Variants in SLC40A1 observed in about 807,000 individuals in gnomAD.
SLC40A1 encodes the protein solute carrier family 40 member 1, also known as ferroportin.
A neutral mutation model predicts 53.5 loss-of-function variants in SLC40A1; 16 were observed. The observed-to-expected ratio is 0.30, with a 90% confidence interval of 0.20 to 0.45. The LOEUF is 0.45. SLC40A1 is among the 20% of genes least tolerant of loss of function. The pLI is 1.00. For synonymous variants in SLC40A1, 247 were observed against 253.2 expected (o/e 0.98, Z 0.23); for missense variants, 545 against 695.4 (o/e 0.78, Z 2.43).
chr2:189,580,680 G>A lies in SLC40A1; in HGVS notation c.-220C>T. The A allele has an allele frequency of 6.7e-7, 1 of 1,484,950 alleles. No homozygotes were observed. The highest frequency in any genetic ancestry group is 1.3e-5 in the South Asian group (1 of 78,858). 92.0% of individuals were successfully genotyped at this position (1,484,950 alleles called of 1,614,324 possible). On this transcript the variant is annotated 5_prime_UTR_variant, in exon 1 of 8. Transcript: ENST00000261024. Reference sequence around the variant, plus strand: ...CTTTCCAAACTTAGCTAACACTGTAGCTGAAGTTGGAAAGGCAAAGCCTTA... The same window carrying A: ...CTTTCCAAACTTAGCTAACACTGTAACTGAAGTTGGAAAGGCAAAGCCTTA...
chr2:189,568,035 C>T (rs1175991293), intron 5 of SLC40A1, among the ~76,000 whole-genome samples: 1 of 152,182 alleles, frequency 6.6e-6, no homozygotes, highest in Non-Finnish European at 1.5e-5. Flanking sequence ...TACCCTTTCA[C>T]TACTTCAGTT....
chr2:189,569,332 A>T (rs1272169633), intron 5 of SLC40A1, among the ~76,000 whole-genome samples: 1 of 152,250 alleles, frequency 6.6e-6, no homozygotes, highest in Non-Finnish European at 1.5e-5. Context: ...AAACAGGTGA[A>T]GCCTTCCTGG....
intron 5 of SLC40A1, among the ~76,000 whole-genome samples, chr2:189,569,994 ATATG>A (rs66749770): frequency 0.18 from 25,709 of 139,128 alleles, 2,785 homozygotes; most frequent in Non-Finnish European, 0.24. Flanking sequence ...ACACACCTAT[ATATG>A]TATGTATATA....
intron 7 of SLC40A1, 121 bp downstream of exon 7, chr2:189,563,463 G>A: frequency 1.3e-6 from 1 of 776,270 alleles, no homozygotes; most frequent in Non-Finnish European, 2.0e-6. Context: ...AATTTCGTAA[G>A]AGTGGATTTT....
At chr2:189,579,605 C>G (rs1191294171) in intron 2 of SLC40A1, among the ~76,000 whole-genome samples, 1 of 152,124 alleles carries the variant, frequency 6.6e-6, no homozygotes, top group Non-Finnish European at 1.5e-5. Context: ...ACATAAACTA[C>G]GATGATCTGA....
Position 189,578,280 on chromosome 2 carries a change from A to C in SLC40A1, c.111+1533T>G, listed in dbSNP as rs571794109. On this transcript the variant is annotated intron_variant, in intron 2 of 7. Coordinates refer to ENST00000261024, the MANE Select transcript of SLC40A1 (RefSeq NM_014585.6). ...CAGCGGAAAGGAGTAAAAATCCACTAAACCTTATATGATTGTAGTTGCTGC... is the reference window on the plus strand; with the variant it reads ...CAGCGGAAAGGAGTAAAAATCCACTCAACCTTATATGATTGTAGTTGCTGC... The C allele has an allele frequency of 3.0e-6, 3 of 1,001,782 alleles. No homozygotes were observed. The East Asian group carries it at 3.4e-4, about 114-fold the overall frequency. The allele number at this position is 1,001,782 out of a possible 1,614,324, so 62.1% of individuals were successfully genotyped here.
chr2:189,563,612 C>G lies in SLC40A1; in HGVS notation c.1374G>C (p.Leu458=). 4 of 1,614,040 alleles carry G rather than the reference C, an allele frequency of 2.5e-6. No individual in the cohort carries two copies. Among genetic ancestry groups the G allele is most frequent in the Non-Finnish European group, 3.4e-6 (4 of 1,179,970 alleles). Residue 458 remains leucine (L), a synonymous_variant, in exon 7 of 8, where the codon CTG becomes CTC. Coordinates refer to ENST00000261024, the MANE Select transcript of SLC40A1 (RefSeq NM_014585.6). ...ESVPIISVSL[L]FAGVIAARIG... The stretch of plus-strand genomic sequence containing the variant: ...TTCTAGCAGCAATGACGCCTGCAAA[C>G]AGCAGACTGACAGAGATTATGGGCA...
Position 189,560,722 on chromosome 2 carries a change from C to T in SLC40A1, c.*1156G>A, listed in dbSNP as rs1355588025. The T allele has an allele frequency of 6.6e-6, 1 of 152,566 alleles. No homozygotes were observed. Among genetic ancestry groups the T allele is most frequent in the Non-Finnish European group, 1.5e-5 (1 of 68,032 alleles). 9.5% of individuals were successfully genotyped at this position (152,566 alleles called of 1,614,324 possible). On this transcript the variant is annotated 3_prime_UTR_variant, in exon 8 of 8. Coordinates refer to ENST00000261024, the MANE Select transcript of SLC40A1 (RefSeq NM_014585.6). Reference sequence around the variant, plus strand: ...AGGATAAAGAAAGTGCTCATAGCAACGTATTGCAGTCTCCATGAAAGTGCA... The same window carrying T: ...AGGATAAAGAAAGTGCTCATAGCAATGTATTGCAGTCTCCATGAAAGTGCA...
intron 5 of SLC40A1, among the ~76,000 whole-genome samples, chr2:189,571,296 C>T (rs1354266141): frequency 6.6e-6 from 1 of 152,050 alleles, no homozygotes; most frequent in Non-Finnish European, 1.5e-5. Flanking sequence ...GTCTCTCCTA[C>T]AATTGTTTCC....
In SLC40A1 at chr2:189,578,665, T is replaced by C. The variant is rs144784425; in HGVS notation, c.111+1148A>G. On this transcript the variant is annotated intron_variant, in intron 2 of 7. Coordinates refer to ENST00000261024, the MANE Select transcript of SLC40A1 (RefSeq NM_014585.6). Reference sequence around the variant, plus strand: ...TTTTATTTATTAAGGGTTGTTTCACTAGGTTTCTACTTAGCATCATCAGCT... The same window carrying C: ...TTTTATTTATTAAGGGTTGTTTCACCAGGTTTCTACTTAGCATCATCAGCT... Among the ~76,000 whole-genome samples, 866 of 152,324 alleles carry C rather than the reference T, an allele frequency of 5.7e-3. 15 individuals are homozygous for C. Among genetic ancestry groups the C allele is most frequent in the African/African-American group, 0.02 (839 of 41,566 alleles).
chr2:189,561,838 CTATA>C lies in SLC40A1; in HGVS notation c.*36_*39del. ...GCAGTACAAAATAAGCACATGTGCT[CTATA>C]TAATCTAGTAACAGGATAGCAACAG... On this transcript the variant is annotated 3_prime_UTR_variant, in exon 8 of 8. Transcript: ENST00000261024. 6.5e-7 allele frequency: 1 copy of C among 1,528,152 alleles called. No individual in the cohort carries two copies. Among genetic ancestry groups the C allele is most frequent in the Non-Finnish European group, 9.1e-7 (1 of 1,102,460 alleles). 94.7% of individuals were successfully genotyped at this position (1,528,152 alleles called of 1,614,324 possible). A position where few individuals can be genotyped will look rare whatever the true frequency, so the allele number is the denominator to read the frequency against.
intron 2 of SLC40A1, among the ~76,000 whole-genome samples, chr2:189,576,040 C>A (rs2031275983): frequency 6.6e-6 from 1 of 152,174 alleles, no homozygotes; most frequent in South Asian, 2.1e-4. Flanking sequence ...CTACTTATTT[C>A]TTCACACAAA....
At position 189,580,508 on chromosome 2, in the gene SLC40A1, C is replaced by T; in HGVS notation, c.-48G>A. 6.2e-7 allele frequency: 1 copy of T among 1,611,442 alleles called. No homozygotes were observed. The highest frequency in any genetic ancestry group is 8.5e-7 in the Non-Finnish European group (1 of 1,179,884). ...TCTTCTGCGGCTGCTATCGCTGCTGCTGCTCTCGCTGAGGTGCTTGTTAAC... is the reference window on the plus strand; with the variant it reads ...TCTTCTGCGGCTGCTATCGCTGCTGTTGCTCTCGCTGAGGTGCTTGTTAAC... On this transcript the variant is annotated 5_prime_UTR_variant, in exon 1 of 8. Coordinates refer to ENST00000261024, the MANE Select transcript of SLC40A1 (RefSeq NM_014585.6).
chr2:189,569,611 A>T (rs1472450936), intron 5 of SLC40A1, among the ~76,000 whole-genome samples: 1 of 152,258 alleles, frequency 6.6e-6, no homozygotes, highest in African/African-American at 2.4e-5. Flanking sequence ...TCTGACCTTC[A>T]GAACTAAAGA....
Position 189,564,177 on chromosome 2 carries a change from T to A in SLC40A1, c.809A>T (p.Asp270Val), listed in dbSNP as rs368420430. ...LEGTHLMGVK[D>V]SNIHELEHEQ... is the part of the protein sequence containing the mutation. ...ATGTTCAAGCTCATGGATGTTAGAG[T>A]CTTTCACACCCATTAGATGAGTTCC... is the stretch of plus-strand genomic sequence containing the variant. The change falls in exon 7 of 8, where the codon GAC (aspartate) becomes GTC (valine). Residue 270 changes from aspartate (D) to valine (V), a missense_variant. Physicochemically the swap from Asp to Val is radical, Grantham distance 152. Around this residue, in one of 4 missense-constraint regions of SLC40A1, gnomAD observed 107 missense variants for 91.0 expected, o/e 1.18. Transcript: ENST00000261024. 84 of 1,613,200 alleles carry A rather than the reference T, an allele frequency of 5.2e-5. No individual in the cohort carries two copies. The African/African-American group carries it at 1.0e-3, about 19-fold the overall frequency.
At chr2:189,576,628 G>T (rs942464615) in intron 2 of SLC40A1, among the ~76,000 whole-genome samples, 1 of 152,062 alleles carries the variant, frequency 6.6e-6, no homozygotes, top group Non-Finnish European at 1.5e-5. Flanking sequence ...AACCTGAAAA[G>T]CAAATTTAGA....
At chr2:189,569,815 T>C (rs948691615) in intron 5 of SLC40A1, among the ~76,000 whole-genome samples, 5 of 152,148 alleles carry the variant, frequency 3.3e-5, no homozygotes, top group African/African-American at 4.8e-5. Context: ...ATAGCCTAGA[T>C]TCTTCCACTC....
chr2:189,565,629 G>C (rs780275501), intron 5 of SLC40A1, 30 bp from the exon 6 acceptor site: 3 of 1,614,028 alleles, frequency 1.9e-6, no homozygotes, highest in South Asian at 1.1e-5. Context: ...AGGCAGGTAA[G>C]TGTGCAAACC....
Position 189,561,912 on chromosome 2 carries a change from C to T in SLC40A1, c.1682G>A (p.Arg561Lys). Residue 561 changes from arginine to lysine, a missense_variant, in exon 8 of 8, where the codon AGG becomes AAG. Physicochemically the swap from Arg to Lys is conservative, Grantham distance 26. Around this residue, in one of 4 missense-constraint regions of SLC40A1, gnomAD observed 234 missense variants for 299.0 expected, o/e 0.78. Coordinates refer to ENST00000261024, the MANE Select transcript of SLC40A1 (RefSeq NM_014585.6). ...FACGPDAKEV[R>K]KENQANTSVV ...AGATGTATTTGCTTGATTTTCCTTC[C>T]TAACTTCTTTTGCATCAGGACCGCA... is the stretch of plus-strand genomic sequence containing the variant. The T allele has an allele frequency of 3.7e-6, 6 of 1,614,126 alleles. No homozygotes were observed. Among genetic ancestry groups the T allele is most frequent in the Non-Finnish European group, 5.1e-6 (6 of 1,180,008 alleles).
Sources: allele counts gnomAD v4.1 joint callset (sites outside exome capture counted in the v4.1 genomes callset), GRCh38; gene constraint gnomAD v4.1.1; regional missense constraint gnomAD v4.1.1; transcripts MANE v1.5; gene names NCBI Gene and HGNC (gene_info 2026-07-23, HGNC 2026-07-21).